Variants in ILDR1 observed in about 807,000 individuals in gnomAD.
The protein encoded by ILDR1 is immunoglobulin like domain containing receptor 1.
Under a neutral mutation model 62.4 loss-of-function variants are expected in ILDR1, and 56 were observed. The observed-to-expected ratio is 0.90, with a 90% CI of 0.72 to 1.12. The LOEUF (loss-of-function observed/expected upper bound fraction) is 1.12. Ranked by LOEUF, ILDR1 falls within the 50% of genes most tolerant of loss-of-function variation. ILDR1 has a pLI of 0.00. For missense variants in ILDR1, 736 were observed against 710.6 expected, an observed-to-expected ratio of 1.04 and a Z score of -0.41; for synonymous variants, 284 against 277.8, an observed-to-expected ratio of 1.02 and a Z score of -0.22.
At chr3:121,989,583 G>T (rs566574627) in intron 7 of ILDR1, among the ~76,000 whole-genome samples, 2 of 152,328 alleles carry the variant, frequency 1.3e-5, no homozygotes, top group African/African-American at 4.8e-5. Context: ...TAATTCATTG[G>T]AAGGAGTCCA....
the ILDR1 span, among the ~76,000 whole-genome samples, chr3:122,042,742 G>A: frequency 2.6e-4 from 40 of 152,116 alleles, no homozygotes; most frequent in East Asian, 7.7e-4. Context: ...CATGTCCTTC[G>A]CCCACTTTTT....
intron 5 of ILDR1, among the ~76,000 whole-genome samples, chr3:121,997,354 G>T (rs1336038392): frequency 1.3e-5 from 2 of 152,138 alleles, no homozygotes; most frequent in African/African-American, 4.8e-5. Context: ...TTAGCTTTAG[G>T]AAACTACCAG....
chr3:122,014,811 G>A (rs899694302), intron 1 of ILDR1, among the ~76,000 whole-genome samples: 7 of 152,158 alleles, frequency 4.6e-5, no homozygotes, highest in Non-Finnish European at 8.8e-5. Context: ...AGCCACTCAG[G>A]TGGTTTGAAC....
At chr3:122,049,689 A>G in the ILDR1 span, among the ~76,000 whole-genome samples, 6 of 152,202 alleles carry the variant, frequency 3.9e-5, 1 homozygote, top group Admixed American at 1.3e-4. Context: ...AATGTCCCCA[A>G]AAATTCATGG....
chr3:122,022,332 G>C (rs1281681321), upstream of ILDR1: 9 of 412,264 alleles, frequency 2.2e-5, no homozygotes, highest in Non-Finnish European at 3.9e-5. Context: ...CGCCTCCCGG[G>C]GGACTGCGGC....
Position 121,988,469 on chromosome 3 carries a change from G to A in ILDR1, c.1600-61C>T, listed in dbSNP as rs2071287122. 1.9e-5 allele frequency: 25 copies of A among 1,321,954 alleles called. 1 individual carries two copies. The South Asian group carries it at 2.8e-4, about 15-fold the overall frequency. 81.9% of individuals were successfully genotyped at this position (1,321,954 alleles called of 1,614,324 possible). A position where few individuals can be genotyped will look rare whatever the true frequency, so the allele number is the denominator to read the frequency against. Reference sequence around the variant, plus strand: ...CAGTCAGTGCAATCCGTCTATGCATGTAACACATAATGTGCTCTTGATTTA... The same window carrying A: ...CAGTCAGTGCAATCCGTCTATGCATATAACACATAATGTGCTCTTGATTTA... On this transcript the variant is annotated intron_variant, in intron 7 of 7. Coordinates refer to ENST00000344209, the MANE Select transcript of ILDR1 (RefSeq NM_001199799.2).
At position 122,001,320 on chromosome 3, in the gene ILDR1, A is replaced by G; in HGVS notation, c.634T>C (p.Cys212Arg). The G allele has an allele frequency of 6.2e-7, 1 of 1,614,218 alleles. No homozygotes were observed. The highest frequency in any genetic ancestry group is 8.5e-7 in the Non-Finnish European group (1 of 1,180,040). ...RCPCCPAHCC[C>R]PEEALARHRY... ...TGTCCCCTCTCACCTTCCTCAGGAC[A>G]GCAGCAGTGGGCAGGACAGCAGGGA... Residue 212 changes from cysteine to arginine, a missense_variant, in exon 5 of 8, where the codon TGT (cysteine) becomes CGT (arginine). Cys to Arg is a radical substitution (Grantham distance 180, BLOSUM62 -3). Transcript: ENST00000344209.
At chr3:122,056,728 A>T in the ILDR1 span, among the ~76,000 whole-genome samples, 4 of 152,226 alleles carry the variant, frequency 2.6e-5, no homozygotes, top group East Asian at 7.7e-4. Flanking sequence ...TGTTGCTTTT[A>T]TTTCAGAAGA....
intron 3 of ILDR1, among the ~76,000 whole-genome samples, chr3:122,002,172 T>A (rs185384657): frequency 6.6e-6 from 1 of 152,312 alleles, no homozygotes; most frequent in East Asian, 1.9e-4. Context: ...ACTGTTTAAG[T>A]TGCCAGTATA....
intron 1 of ILDR1, among the ~76,000 whole-genome samples, chr3:122,013,500 T>C (rs1576733607): frequency 6.6e-6 from 1 of 152,092 alleles, no homozygotes; most frequent in Non-Finnish European, 1.5e-5. Flanking sequence ...GTTAACAAAA[T>C]GCACACAGGT....
the ILDR1 span, chr3:122,055,616 G>A: frequency 2.1e-6 from 2 of 971,816 alleles, no homozygotes; most frequent in Non-Finnish European, 3.2e-6. Context: ...CCTAAGTGGA[G>A]AAGCTTTCTT....
the ILDR1 span, among the ~76,000 whole-genome samples, chr3:122,038,971 A>G: frequency 1.3e-5 from 2 of 152,144 alleles, no homozygotes; most frequent in African/African-American, 4.8e-5. Flanking sequence ...ATTAATTGCC[A>G]ATTAAAAAAT....
chr3:122,030,538 C>G, the ILDR1 span, among the ~76,000 whole-genome samples: 5 of 151,934 alleles, frequency 3.3e-5, no homozygotes, highest in Non-Finnish European at 5.9e-5. Flanking sequence ...CATGCCACCA[C>G]TCTGCAGCCA....
intron 1 of ILDR1, among the ~76,000 whole-genome samples, chr3:122,012,747 G>A (rs1239144420): frequency 6.6e-6 from 1 of 152,194 alleles, no homozygotes; most frequent in African/African-American, 2.4e-5. Flanking sequence ...TGTATCATTT[G>A]TACTTATCTT....
the ILDR1 span, among the ~76,000 whole-genome samples, chr3:122,057,444 TGTTTA>T: frequency 9.2e-5 from 14 of 152,180 alleles, no homozygotes; most frequent in Non-Finnish European, 1.6e-4. Context: ...ATTCATAATG[TGTTTA>T]GTTAAAGGGG....
chr3:122,037,312 A>G, the ILDR1 span, among the ~76,000 whole-genome samples: 1 of 152,226 alleles, frequency 6.6e-6, no homozygotes, highest in Non-Finnish European at 1.5e-5. Flanking sequence ...CCAGCCCATG[A>G]AAGCAGCCAA....
intron 7 of ILDR1, among the ~76,000 whole-genome samples, chr3:121,988,843 T>C (rs777543694): frequency 3.3e-5 from 5 of 152,236 alleles, no homozygotes; most frequent in Non-Finnish European, 7.3e-5. Context: ...TCTAAAAAGT[T>C]TGGCTTCAAA....
At chr3:121,994,149 C>A in intron 6 of ILDR1, 33 bp downstream of exon 6, 2 of 1,534,100 alleles carry the variant, frequency 1.3e-6, no homozygotes, top group South Asian at 2.4e-5. Context: ...TGCCCTCTGC[C>A]CTCCCCTATC....
chr3:122,035,009 C>T, the ILDR1 span, among the ~76,000 whole-genome samples: 1 of 152,140 alleles, frequency 6.6e-6, no homozygotes, highest in Non-Finnish European at 1.5e-5. Flanking sequence ...GGTAGGGACA[C>T]AGCCAAACCA....
Sources: gnomAD v4.1 joint callset for allele counts (sites outside exome capture counted in the v4.1 genomes callset) on GRCh38, gnomAD v4.1.1 for gene constraint, MANE v1.5 for transcripts, NCBI Gene and HGNC (gene_info 2026-07-23, HGNC 2026-07-21) for gene names.